UBR1: variants seen among roughly 807,000 people sequenced by gnomAD.
The protein encoded by UBR1 is E3 ubiquitin-protein ligase UBR1.
In UBR1, 102 loss-of-function variants were observed where a neutral mutation model predicts 242.1. The ratio of observed to expected loss-of-function variants is 0.42; its 90% confidence interval spans 0.36 to 0.50. The LOEUF (loss-of-function observed/expected upper bound fraction) is 0.50. Ranked by LOEUF, UBR1 falls within the 20% of genes least tolerant of loss-of-function variation. The pLI, the probability that UBR1 is intolerant of heterozygous loss-of-function variation, is 0.01. For missense variants in UBR1, 1,772 were observed against 2,101.8 expected (o/e 0.84, Z 3.07); for synonymous variants, 675 against 684.8 (o/e 0.99, Z 0.22).
rs1313598430 is a variant in UBR1 at position 42,943,619 on chromosome 15, G to A, written c.*1710C>T. 1 of 152,068 alleles carries A rather than the reference G, an allele frequency of 6.6e-6. No individual in the cohort carries two copies. Among genetic ancestry groups the A allele is most frequent in the Admixed American group, 6.6e-5 (1 of 15,246 alleles). The allele number at this position is 152,068 out of a possible 1,614,324, so 9.4% of individuals were successfully genotyped here. On this transcript the variant is annotated 3_prime_UTR_variant, in exon 47 of 47. Coordinates refer to ENST00000290650, the MANE Select transcript of UBR1 (RefSeq NM_174916.3). ...AGTCAGTTTATCTTTGCTAAATTGG[G>A]GCCCATCTATTAGGGTAGAAGTCAG... is the stretch of plus-strand genomic sequence containing the variant.
At chr15:43,063,765 G>A (rs569614228) in intron 6 of UBR1, among the ~76,000 whole-genome samples, 9 of 147,750 alleles carry the variant, frequency 6.1e-5, no homozygotes, top group Admixed American at 3.4e-4. Flanking sequence ...TTCGTTCATC[G>A]TTGCCCAGGC....
At chr15:43,027,941 A>G (rs1157558243) in intron 21 of UBR1, 113 bp from the exon 22 acceptor site, 1 of 935,948 alleles carries the variant, frequency 1.1e-6, no homozygotes, top group Non-Finnish European at 1.6e-6. Flanking sequence ...ATAATTTTAA[A>G]AAGATCAATT....
intron 3 of UBR1, among the ~76,000 whole-genome samples, chr15:43,080,680 C>T (rs562818904): frequency 6.8e-4 from 104 of 152,266 alleles, no homozygotes; most frequent in African/African-American, 2.3e-3. Flanking sequence ...ACTGGCCGGG[C>T]GTGGTGGCTC....
At chr15:43,054,138 C>T (rs1350237152) in intron 12 of UBR1, among the ~76,000 whole-genome samples, 1 of 151,986 alleles carries the variant, frequency 6.6e-6, no homozygotes, top group African/African-American at 2.4e-5. Flanking sequence ...CTGCTTGACC[C>T]CAGGAGTCCA....
chr15:42,987,299 G>A (rs950627663), intron 35 of UBR1, among the ~76,000 whole-genome samples: 5 of 152,228 alleles, frequency 3.3e-5, no homozygotes, highest in East Asian at 3.9e-4. Flanking sequence ...TGAGGGCACC[G>A]GTAGGGGGTC....
At chr15:42,952,807 G>GT (rs2031856668) in intron 44 of UBR1, among the ~76,000 whole-genome samples, 1 of 152,134 alleles carries the variant, frequency 6.6e-6, no homozygotes, top group Non-Finnish European at 1.5e-5. Context: ...TCTGTATTGT[G>GT]TTAGTCAAGC....
At chr15:43,101,686 G>A (rs1273354242) in intron 1 of UBR1, among the ~76,000 whole-genome samples, 1 of 151,954 alleles carries the variant, frequency 6.6e-6, no homozygotes, top group Non-Finnish European at 1.5e-5. Context: ...AAAAAAACTG[G>A]CTGGGCACGG....
At chr15:43,032,515 C>A in intron 20 of UBR1, 53 bp downstream of exon 20, 1 of 1,236,396 alleles carries the variant, frequency 8.1e-7, no homozygotes, top group South Asian at 1.2e-5. Flanking sequence ...TATAAATGGT[C>A]TCTCTAAAAA....
intron 32 of UBR1, among the ~76,000 whole-genome samples, chr15:43,002,075 C>CTCT (rs1207118281): frequency 1.3e-5 from 2 of 152,054 alleles, no homozygotes; most frequent in Non-Finnish European, 2.9e-5. Flanking sequence ...CATTCTAGTT[C>CTCT]TCTTAGAGTC....
At chr15:43,002,435 G>A (rs577434064) in intron 32 of UBR1, 120 bp downstream of exon 32, 5 of 1,126,374 alleles carry the variant, frequency 4.4e-6, no homozygotes, top group Non-Finnish European at 6.5e-6. Flanking sequence ...TACCCAGGCT[G>A]GTCTCGAACC....
chr15:42,964,876 C>T (rs542130275), intron 41 of UBR1, among the ~76,000 whole-genome samples: 1 of 152,212 alleles, frequency 6.6e-6, no homozygotes, highest in African/African-American at 2.4e-5. Context: ...TCTATGAAAA[C>T]TATCTCAGAG....
Position 42,945,255 on chromosome 15 carries a change from G to C in UBR1, c.*74C>G. On this transcript the variant is annotated 3_prime_UTR_variant, in exon 47 of 47. Coordinates refer to ENST00000290650, the MANE Select transcript of UBR1 (RefSeq NM_174916.3). ...CCCTCCAATACTTTCCCAGCCCTCA[G>C]AAAGTTTTCCATAATTTTGAATCAG... is the stretch of plus-strand genomic sequence containing the variant. The C allele has an allele frequency of 1.1e-5, 18 of 1,608,874 alleles. No homozygotes were observed. The South Asian group carries it at 2.0e-4, about 18-fold the overall frequency.
At chr15:43,010,710 G>A (rs935146035) in intron 29 of UBR1, among the ~76,000 whole-genome samples, 1 of 150,710 alleles carries the variant, frequency 6.6e-6, no homozygotes, top group Admixed American at 6.7e-5. Context: ...ACTAGCTCAC[G>A]CCTTGTAATC....
chr15:43,010,793 T>G (rs1406129741), intron 29 of UBR1, among the ~76,000 whole-genome samples: 1 of 120,610 alleles, frequency 8.3e-6, no homozygotes, highest in Admixed American at 1.0e-4. Context: ...GCCAAAATGG[T>G]GAAACCCCAT....
At chr15:43,060,990 A>T (rs1009862110) in intron 6 of UBR1, among the ~76,000 whole-genome samples, 4 of 152,102 alleles carry the variant, frequency 2.6e-5, no homozygotes, top group African/African-American at 9.7e-5. Context: ...GATTGTTAAA[A>T]GAACAGATTG....
At position 43,070,789 on chromosome 15, in the gene UBR1, C is replaced by A; in HGVS notation, c.659+6G>T. 1 of 1,612,860 alleles carries A rather than the reference C, an allele frequency of 6.2e-7. No individual in the cohort carries two copies. Among genetic ancestry groups the A allele is most frequent in the South Asian group, 1.1e-5 (1 of 91,070 alleles). On this transcript the variant is annotated splice_donor_region_variant and intron_variant, in intron 5 of 46. Transcript: ENST00000290650. ...AAAACTTGTTCCGTTTGACAGTTTT[C>A]CCCACCTTATCTGGAGTTCAGGAGG...
At chr15:43,024,532 A>G (rs1169493125) in intron 25 of UBR1, among the ~76,000 whole-genome samples, 1 of 152,226 alleles carries the variant, frequency 6.6e-6, no homozygotes, top group South Asian at 2.1e-4. Flanking sequence ...CTTATAATTC[A>G]AGTAAAATTA....
At chr15:43,071,477 T>C (rs1385031483) in intron 4 of UBR1, among the ~76,000 whole-genome samples, 1 of 152,180 alleles carries the variant, frequency 6.6e-6, no homozygotes, top group Non-Finnish European at 1.5e-5. Flanking sequence ...GGTTGTTCAG[T>C]GGGTAAAGAG....
intron 4 of UBR1, among the ~76,000 whole-genome samples, chr15:43,072,842 T>C (rs909451026): frequency 6.6e-6 from 1 of 152,196 alleles, no homozygotes; most frequent in South Asian, 2.1e-4. Flanking sequence ...GTTAAAACTA[T>C]GTACTTCATT....
Sources: allele counts gnomAD v4.1 joint callset (sites outside exome capture counted in the v4.1 genomes callset), GRCh38; gene constraint gnomAD v4.1.1; transcripts MANE v1.5; gene names NCBI Gene and HGNC (gene_info 2026-07-23, HGNC 2026-07-21).